The following PARP9 variants were observed in gnomAD, a reference collection of about 807,000 sequenced individuals.
PARP9 encodes the protein poly(ADP-ribose) polymerase family member 9.
PARP9 carries 48 observed loss-of-function variants against 68.8 expected under a neutral mutation model. The ratio of observed to expected loss-of-function variants is 0.70; its 90% CI spans 0.55 to 0.89. The LOEUF (loss-of-function observed/expected upper bound fraction) is 0.89, where lower values mean the gene tolerates loss of function less well. PARP9 is among the 40% of genes least tolerant of loss of function. PARP9 has a pLI of 0.00. For missense variants in PARP9, 806 were observed against 969.3 expected, an observed-to-expected ratio of 0.83 and a Z score of 2.24; for synonymous variants, 309 against 333.8, an observed-to-expected ratio of 0.93 and a Z score of 0.81.
At position 122,555,705 on chromosome 3, in the gene PARP9, T is replaced by A. The variant is rs1305698879; in HGVS notation, c.466A>T (p.Lys156Ter). ...AVTGAGRLPC[K>*]QIIHAVGPRW... ...GGCCCAACAGCATGGATGATCTGTT[T>A]GCAGGGAAGCCTCCCTGCTCCCGTG... is the stretch of plus-strand genomic sequence containing the variant. The change falls in exon 4 of 11, where the codon AAA becomes TAA. Residue 156 changes from lysine (K) to a stop codon, truncating the protein, a stop_gained. Transcript: ENST00000682323. LOFTEE classifies it high-confidence loss of function. 6.2e-7 allele frequency: 1 copy of A among 1,614,084 alleles called. No individual in the cohort carries two copies. The highest frequency in any genetic ancestry group is 8.5e-7 in the Non-Finnish European group (1 of 1,179,998).
At position 122,540,594 on chromosome 3, in the gene PARP9, TCTGTC is replaced by T; in HGVS notation, c.1638_1642del (p.Thr547ValfsTer4). The T allele has an allele frequency of 6.2e-7, 1 of 1,614,176 alleles. No homozygotes were observed. Among genetic ancestry groups the T allele is most frequent in the Non-Finnish European group, 8.5e-7 (1 of 1,180,026 alleles). On this transcript the variant is annotated frameshift_variant, in exon 8 of 11. Transcript: ENST00000682323. LOFTEE classifies it high-confidence loss of function. ...AGCCCGGGCTCCTTCAATCTCTAAC[TCTGTC>T]CTTCCTGGGCTGATAATTTCTGTGA...
chr3:122,534,969 T>C (rs2077540200), intron 10 of PARP9: 1 of 983,208 alleles, frequency 1.0e-6, no homozygotes, highest in African/African-American at 1.7e-5. Flanking sequence ...CTTGGGAGGA[T>C]AGTGGGTGTC....
chr3:122,528,935 CATA>C (rs1423688628), intron 10 of PARP9, among the ~76,000 whole-genome samples, 192 bp from the exon 11 acceptor site: 2 of 152,034 alleles, frequency 1.3e-5, no homozygotes, highest in South Asian at 2.1e-4. Flanking sequence ...CCATCAACAT[CATA>C]ATAACTTACA....
At chr3:122,535,071 T>G (rs1461135673) in intron 10 of PARP9, 32 of 983,394 alleles carry the variant, frequency 3.3e-5, no homozygotes, top group Non-Finnish European at 3.4e-5. Flanking sequence ...CTCACTAGAT[T>G]TGGAAAGTAA....
intron 6 of PARP9, 115 bp downstream of exon 6, chr3:122,550,469 T>C (rs765731621): frequency 1.2e-6 from 1 of 838,182 alleles, no homozygotes; most frequent in Non-Finnish European, 1.9e-6. Context: ...ACCACCACAC[T>C]GTACAGCACC....
At chr3:122,538,524 T>C (rs1212501889) in intron 8 of PARP9, among the ~76,000 whole-genome samples, 1 of 152,218 alleles carries the variant, frequency 6.6e-6, no homozygotes, top group Non-Finnish European at 1.5e-5. Context: ...CTAAGGCTTC[T>C]ATGGAATAAT....
At position 122,540,546 on chromosome 3, in the gene PARP9, T is replaced by C. The variant is rs1423504334; in HGVS notation, c.1691A>G (p.Asn564Ser). Reference sequence around the variant, plus strand: ...TACTTTACAAAGCATATCTTCAATGTTCATAACCACCTCAATGAGGTCAGC... The same window carrying C: ...TACTTTACAAAGCATATCTTCAATGCTCATAACCACCTCAATGAGGTCAGC... ...ARADLIEVVMNIEDMLCKVQE... is the reference protein window; with the variant it reads ...ARADLIEVVMSIEDMLCKVQE... The change falls in exon 8 of 11, where the codon AAC becomes AGC. Residue 564 changes from asparagine to serine, a missense_variant. By Grantham distance (46) the Asn-to-Ser change is conservative (BLOSUM62 1). Around this residue, in one of 2 missense-constraint regions of PARP9, gnomAD observed 680 missense variants for 858.8 expected, o/e 0.79. Transcript: ENST00000682323. 9.3e-6 allele frequency: 15 copies of C among 1,614,120 alleles called. No individual in the cohort carries two copies. The highest frequency in any genetic ancestry group is 1.3e-5 in the Non-Finnish European group (15 of 1,180,048).
At chr3:122,552,721 A>G in intron 4 of PARP9, 82 bp from the exon 5 acceptor site, 1 of 1,040,906 alleles carries the variant, frequency 9.6e-7, no homozygotes, top group Non-Finnish European at 1.4e-6. Flanking sequence ...TTCCCTGAAG[A>G]GCTTTGAAAA....
At position 122,528,313 on chromosome 3, in the gene PARP9, G is replaced by A; in HGVS notation, c.*51C>T. 2 of 1,568,266 alleles carry A rather than the reference G, an allele frequency of 1.3e-6. No homozygotes were observed. The highest frequency in any genetic ancestry group is 8.6e-7 in the Non-Finnish European group (1 of 1,156,116). On this transcript the variant is annotated 3_prime_UTR_variant, in exon 11 of 11. Coordinates refer to ENST00000682323, the MANE Select transcript of PARP9 (RefSeq NM_001146105.2). ...TTTGAGCCATCGATGGTCATTATTTGGTTAGTTCACCCAAGGTAAGGCCAT... is the reference window on the plus strand; with the variant it reads ...TTTGAGCCATCGATGGTCATTATTTAGTTAGTTCACCCAAGGTAAGGCCAT...
chr3:122,539,567 C>CTTTCTTTCT (rs1347024453), intron 8 of PARP9, among the ~76,000 whole-genome samples: 22 of 86,906 alleles, frequency 2.5e-4, no homozygotes, highest in Non-Finnish European at 4.6e-4. Context: ...TTCTTTCTTT[C>CTTTCTTTCT]TTTTTTTTTT....
At position 122,536,252 on chromosome 3, in the gene PARP9, G is replaced by T; in HGVS notation, c.1996C>A (p.His666Asn). 6.2e-7 allele frequency: 1 copy of T among 1,614,088 alleles called. No individual in the cohort carries two copies. Among genetic ancestry groups the T allele is most frequent in the Non-Finnish European group, 8.5e-7 (1 of 1,180,010 alleles). Residue 666 changes from histidine (H) to asparagine (N), a missense_variant, in exon 10 of 11, where the codon CAT (histidine) becomes AAT (asparagine). Coordinates refer to ENST00000682323, the MANE Select transcript of PARP9 (RefSeq NM_001146105.2). ...EEKLHRQPVS[H>N]RLFQQVPYQF... ...TATGGGACTTGCTGAAACAGCCTAT[G>T]GCTCACAGGTTGCCTGTGCAGTTTT...
intron 7 of PARP9, 48 bp downstream of exon 7, chr3:122,545,384 G>A (rs2078624436): frequency 4.5e-6 from 7 of 1,567,026 alleles, no homozygotes; most frequent in Non-Finnish European, 6.2e-6. Flanking sequence ...AATAGAATGA[G>A]CCAATGGTGG....
chr3:122,558,576 G>T, intron 2 of PARP9, 109 bp from the exon 3 acceptor site: 1 of 1,360,168 alleles, frequency 7.4e-7, no homozygotes, highest in Non-Finnish European at 1.0e-6. Flanking sequence ...CCTGCTCAAA[G>T]CACTGTGTTT....
rs377647340 is a variant in PARP9, at chr3:122,540,558, T to A, written c.1679A>T (p.Glu560Val). The A allele has an allele frequency of 1.4e-5, 23 of 1,614,206 alleles. No individual in the cohort carries two copies. The highest frequency in any genetic ancestry group is 1.1e-4 in the East Asian group (5 of 44,890). Reference protein sequence around the residue: ...EIEGARADLIEVVMNIEDMLC... With the variant: ...EIEGARADLIVVVMNIEDMLC... Reference sequence around the variant, plus strand: ...CATATCTTCAATGTTCATAACCACCTCAATGAGGTCAGCCCGGGCTCCTTC... The same window carrying A: ...CATATCTTCAATGTTCATAACCACCACAATGAGGTCAGCCCGGGCTCCTTC... The change falls in exon 8 of 11, where the codon GAG (glutamate) becomes GTG (valine). Residue 560 changes from glutamate to valine, a missense_variant. Physicochemically the swap from Glu to Val is moderately radical, Grantham distance 121 (BLOSUM62 -2). Transcript: ENST00000682323.
chr3:122,544,579 G>A (rs1008018052), intron 7 of PARP9, among the ~76,000 whole-genome samples: 7 of 152,134 alleles, frequency 4.6e-5, no homozygotes, highest in Admixed American at 6.5e-5. Flanking sequence ...CATTTTCGGA[G>A]GTGGAGGCAG....
Position 122,536,314 on chromosome 3 carries a change from A to T in PARP9, c.1934T>A (p.Met645Lys). Reference sequence around the variant, plus strand: ...TTTCTTCTTTCTTTGAAAGGCAGCCATAAGGACCTCATTGTCTATCTTCTC... The same window carrying T: ...TTTCTTCTTTCTTTGAAAGGCAGCCTTAAGGACCTCATTGTCTATCTTCTC... ...KVEKIDNEVL[M>K]AAFQRKKKMM... The change falls in exon 10 of 11, where the codon ATG becomes AAG. Residue 645 changes from methionine to lysine, a missense_variant. This residue lies in a region of PARP9 where 680 missense variants were observed against 858.8 expected (regional missense o/e 0.79). Transcript: ENST00000682323. 1.9e-6 allele frequency: 3 copies of T among 1,614,210 alleles called. No individual in the cohort carries two copies. The highest frequency in any genetic ancestry group is 2.5e-6 in the Non-Finnish European group (3 of 1,180,020).
At chr3:122,551,430 G>C (rs892685871) in intron 5 of PARP9, among the ~76,000 whole-genome samples, 1 of 151,964 alleles carries the variant, frequency 6.6e-6, no homozygotes, top group African/African-American at 2.4e-5. Context: ...GCAGAGAAGG[G>C]GATTAAGTTT....
At chr3:122,541,367 T>G (rs959282578) in intron 7 of PARP9, among the ~76,000 whole-genome samples, 3 of 152,228 alleles carry the variant, frequency 2.0e-5, no homozygotes, top group Non-Finnish European at 4.4e-5. Flanking sequence ...ACACAGAGTT[T>G]AGCTTGTAAT....
chr3:122,556,154 AAAAAAAAAAAAAAAAAAAAGCAC>A, intron 3 of PARP9, 33 bp from the exon 4 acceptor site: 1 of 1,031,282 alleles, frequency 9.7e-7, no homozygotes, highest in Non-Finnish European at 1.3e-6. Flanking sequence ...AAAAAAAAAA[AAAAAAAAAAAAAAAAAAAAGCAC>A]AGTTTGAAAG....
Sources: gnomAD v4.1 joint callset for allele counts (sites outside exome capture counted in the v4.1 genomes callset) on GRCh38, gnomAD v4.1.1 for gene constraint, gnomAD v4.1.1 regional missense constraint, MANE v1.5 for transcripts, NCBI Gene and HGNC (gene_info 2026-07-23, HGNC 2026-07-21) for gene names.